Variants in NDUFB4 observed in about 807,000 individuals in gnomAD.
The protein encoded by NDUFB4 is NADH dehydrogenase [ubiquinone] 1 beta subcomplex subunit 4.
Under a neutral mutation model 14.5 loss-of-function variants are expected in NDUFB4, and 10 were observed. That is an observed-to-expected ratio of 0.69 (90% CI 0.43 to 1.17). The LOEUF (loss-of-function observed/expected upper bound fraction) is 1.17, where lower values mean the gene tolerates loss of function less well. Ranked by LOEUF, NDUFB4 falls within the 50% of genes most tolerant of loss-of-function variation. The probability of loss-of-function intolerance (pLI) is 0.00; values close to 1 mark genes in which losing one functional copy is unlikely to be tolerated. For missense variants in NDUFB4, 165 were observed against 161.1 expected, an observed-to-expected ratio of 1.02 and a Z score of -0.13; for synonymous variants, 65 against 63.4, an observed-to-expected ratio of 1.03 and a Z score of -0.12.
intron 1 of NDUFB4, among the ~76,000 whole-genome samples, chr3:120,597,038 ATATAT>A (rs1244884031): frequency 2.7e-4 from 40 of 146,812 alleles, no homozygotes; most frequent in Non-Finnish European, 3.7e-4. Flanking sequence ...ATATATGCAT[ATATAT>A]TATATTCTAT....
At chr3:120,601,505 A>G in intron 2 of NDUFB4, 1 of 1,352,876 alleles carries the variant, frequency 7.4e-7, no homozygotes. Context: ...TATTGGGTTA[A>G]GTATTAGCAG....
At position 120,596,370 on chromosome 3, in the gene NDUFB4, C is replaced by G. The variant is rs1283578690; in HGVS notation, c.11C>G (p.Pro4Arg). Residue 4 changes from proline (P) to arginine (R), a missense_variant, in exon 1 of 3, where the codon CCA becomes CGA. Coordinates refer to ENST00000184266, the MANE Select transcript of NDUFB4 (RefSeq NM_004547.6). ...CCCTGGTTCGCCAAGATGTCGTTCCCAAAGTATAAGCCGTCGAGCCTGCGC... is the reference window on the plus strand; with the variant it reads ...CCCTGGTTCGCCAAGATGTCGTTCCGAAAGTATAAGCCGTCGAGCCTGCGC... MSF[P>R]KYKPSSLRTL... 1 of 1,614,138 alleles carries G rather than the reference C, an allele frequency of 6.2e-7. No individual in the cohort carries two copies. The highest frequency in any genetic ancestry group is 2.2e-5 in the East Asian group (1 of 44,882).
intron 2 of NDUFB4, 26 bp downstream of exon 2, chr3:120,601,283 T>G: frequency 6.2e-7 from 1 of 1,611,846 alleles, no homozygotes; most frequent in Non-Finnish European, 8.5e-7. Context: ...AGATGTTTAG[T>G]ATTTGAGTGA....
rs1446104734 is a variant in NDUFB4 at position 120,602,263 on chromosome 3, C to T, written c.383C>T (p.Ser128Leu). The change falls in exon 3 of 3, where the codon TCA (serine) becomes TTA (leucine). Residue 128 changes from serine to leucine, a missense_variant. Coordinates refer to ENST00000184266, the MANE Select transcript of NDUFB4 (RefSeq NM_004547.6). ...EGKLDRTFHL[S>L]Y Reference sequence around the variant, plus strand: ...AAATTGGATCGAACATTTCACCTCTCATATTAAGTCTGGCAATGATGACTA... The same window carrying T: ...AAATTGGATCGAACATTTCACCTCTTATATTAAGTCTGGCAATGATGACTA... The T allele has an allele frequency of 6.2e-7, 1 of 1,609,112 alleles. No homozygotes were observed. Among genetic ancestry groups the T allele is most frequent in the Admixed American group, 1.7e-5 (1 of 59,720 alleles).
rs1250719904 is a variant in NDUFB4 at position 120,596,382 on chromosome 3, C to T, written c.23C>T (p.Pro8Leu). 1 of 1,614,034 alleles carries T rather than the reference C, an allele frequency of 6.2e-7. No individual in the cohort carries two copies. The highest frequency in any genetic ancestry group is 8.5e-7 in the Non-Finnish European group (1 of 1,180,026). Residue 8 changes from proline to leucine, a missense_variant, in exon 1 of 3, where the codon CCG becomes CTG. Pro to Leu is a moderately conservative substitution (Grantham distance 98). Coordinates refer to ENST00000184266, the MANE Select transcript of NDUFB4 (RefSeq NM_004547.6). The part of the protein sequence containing the change: MSFPKYK[P>L]SSLRTLPETL... ...AAGATGTCGTTCCCAAAGTATAAGC[C>T]GTCGAGCCTGCGCACTCTGCCTGAG...
At chr3:120,602,092 C>T (rs12762) in intron 2 of NDUFB4, 116 bp from the exon 3 acceptor site, 179,269 of 1,501,210 alleles carry the variant, frequency 0.12, 11,532 homozygotes, top group Middle Eastern at 0.17. Context: ...GTCAGTTGTA[C>T]GGTGGGTTGT....
intron 1 of NDUFB4, among the ~76,000 whole-genome samples, chr3:120,599,531 A>G (rs909716897): frequency 3.3e-5 from 5 of 152,098 alleles, no homozygotes; most frequent in Admixed American, 3.3e-4. Flanking sequence ...GTGGGCCTGG[A>G]AGTCAAGTGA....
In NDUFB4 at chr3:120,602,349, G is replaced by T; in HGVS notation, c.*79G>T. The stretch of plus-strand genomic sequence containing the variant: ...ATTAAGTAGTAGTTTCTCTTTCTTA[G>T]TATTACCTTGATTCAATGTTAAAAA... On this transcript the variant is annotated 3_prime_UTR_variant, in exon 3 of 3. Coordinates refer to ENST00000184266, the MANE Select transcript of NDUFB4 (RefSeq NM_004547.6). The T allele has an allele frequency of 3.0e-6, 4 of 1,328,950 alleles. No homozygotes were observed. The highest frequency in any genetic ancestry group is 4.2e-6 in the Non-Finnish European group (4 of 951,530). 82.3% of individuals were successfully genotyped at this position (1,328,950 alleles called of 1,614,324 possible). A position where few individuals can be genotyped will look rare whatever the true frequency, so the allele number is the denominator to read the frequency against.
chr3:120,602,395 C>A lies in NDUFB4; in HGVS notation c.*125C>A. Reference sequence around the variant, plus strand: ...AAAAACTATTAACACCCTAACAACACAGAAGCAGACGCAGCCCGTGTTGGG... The same window carrying A: ...AAAAACTATTAACACCCTAACAACAAAGAAGCAGACGCAGCCCGTGTTGGG... On this transcript the variant is annotated 3_prime_UTR_variant, in exon 3 of 3. Coordinates refer to ENST00000184266, the MANE Select transcript of NDUFB4 (RefSeq NM_004547.6). 1 of 863,668 alleles carries A rather than the reference C, an allele frequency of 1.2e-6. No homozygotes were observed. Among genetic ancestry groups the A allele is most frequent in the Admixed American group, 2.8e-5 (1 of 36,200 alleles). 53.5% of individuals were successfully genotyped at this position (863,668 alleles called of 1,614,324 possible).
rs373490363 is a variant in NDUFB4, at chr3:120,596,561, C to T, written c.180+22C>T. The T allele has an allele frequency of 2.5e-6, 4 of 1,610,534 alleles. No individual in the cohort carries two copies. The African/African-American group carries it at 4.0e-5, about 16-fold the overall frequency. ...CATCGTGAGTGTGGGGCCTCCCAGG[C>T]GGGAATAGGGCCCGAGTCCTGGGAG... On this transcript the variant is annotated intron_variant, in intron 1 of 2. Transcript: ENST00000184266.
rs958326678 is a variant in NDUFB4, at chr3:120,601,214, T to C, written c.284T>C (p.Phe95Ser). Residue 95 changes from phenylalanine to serine, a missense_variant, in exon 2 of 3, where the codon TTT (phenylalanine) becomes TCT (serine). Physicochemically the swap from Phe to Ser is radical, Grantham distance 155. Coordinates refer to ENST00000184266, the MANE Select transcript of NDUFB4 (RefSeq NM_004547.6). ...TCACTCATGGGAGCTCTGTGTGGAT[T>C]TGGGCCCCTCATCTTCATTTATTAT... ...KNSLMGALCGFGPLIFIYYII... is the reference protein window; with the variant it reads ...KNSLMGALCGSGPLIFIYYII... 6.2e-7 allele frequency: 1 copy of C among 1,614,034 alleles called. No individual in the cohort carries two copies. Among genetic ancestry groups the C allele is most frequent in the Non-Finnish European group, 8.5e-7 (1 of 1,179,932 alleles).
At chr3:120,599,605 G>T (rs1940023748) in intron 1 of NDUFB4, among the ~76,000 whole-genome samples, 1 of 152,102 alleles carries the variant, frequency 6.6e-6, no homozygotes, top group Admixed American at 6.5e-5. Flanking sequence ...GACTTTTAGT[G>T]ATGTCAGAGG....
intron 1 of NDUFB4, 132 bp downstream of exon 1, chr3:120,596,671 C>T: frequency 9.8e-7 from 1 of 1,018,148 alleles, no homozygotes; most frequent in Non-Finnish European, 1.4e-6. Context: ...CTAGCCAACT[C>T]ACTACCCTTT....
At chr3:120,599,312 A>G (rs1007762036) in intron 1 of NDUFB4, among the ~76,000 whole-genome samples, 4 of 152,000 alleles carry the variant, frequency 2.6e-5, no homozygotes, top group Admixed American at 2.6e-4. Context: ...AAGTCTGGAG[A>G]GTTACAGGGC....
In NDUFB4 at chr3:120,599,821, A is replaced by G. The variant is rs575232965; in HGVS notation, c.181-1290A>G. ...ATAGTCATTCAGATACATTTATAGT[A>G]GAAAGGATGTAAGAATAGATGCATT... On this transcript the variant is annotated intron_variant, in intron 1 of 2. Coordinates refer to ENST00000184266, the MANE Select transcript of NDUFB4 (RefSeq NM_004547.6). Among the ~76,000 whole-genome samples the G allele has an allele frequency of 1.4e-4, 21 of 152,286 alleles. No homozygotes were observed. In the South Asian group the frequency reaches 2.5e-3, roughly 18 times the overall value.
rs1028067520 is a variant in NDUFB4 at position 120,596,671 on chromosome 3, C to G, written c.180+132C>G. 3 of 1,018,148 alleles carry G rather than the reference C, an allele frequency of 2.9e-6. No homozygotes were observed. In the African/African-American group the frequency reaches 4.8e-5, roughly 16 times the overall value. The allele number at this position is 1,018,148 out of a possible 1,614,324, so 63.1% of individuals were successfully genotyped here. On this transcript the variant is annotated intron_variant, in intron 1 of 2. Transcript: ENST00000184266. Reference sequence around the variant, plus strand: ...GGTCCTCTTCCAGGCCTAGCCAACTCACTACCCTTTTACCTTTGCCAGAGC... The same window carrying G: ...GGTCCTCTTCCAGGCCTAGCCAACTGACTACCCTTTTACCTTTGCCAGAGC...
At chr3:120,596,580 C>T in intron 1 of NDUFB4, 41 bp downstream of exon 1, 2 of 1,597,068 alleles carry the variant, frequency 1.3e-6, no homozygotes, top group Non-Finnish European at 1.7e-6. Flanking sequence ...GGCCCGAGTC[C>T]TGGGAGAGAC....
chr3:120,601,293 ATAGGTTCAC>A, intron 2 of NDUFB4, 36 bp downstream of exon 2: 2 of 1,611,044 alleles, frequency 1.2e-6, no homozygotes, highest in Non-Finnish European at 1.7e-6. Context: ...TATTTGAGTG[ATAGGTTCAC>A]TTTCTAGGGA....
At chr3:120,597,421 A>C (rs549803110) in intron 1 of NDUFB4, among the ~76,000 whole-genome samples, 1 of 152,214 alleles carries the variant, frequency 6.6e-6, no homozygotes, top group African/African-American at 2.4e-5. Flanking sequence ...GTAGTTTTCT[A>C]TACAGGAACT....
Sources: gnomAD v4.1 joint callset for allele counts (sites outside exome capture counted in the v4.1 genomes callset) on GRCh38, gnomAD v4.1.1 for gene constraint, MANE v1.5 for transcripts, NCBI Gene and HGNC (gene_info 2026-07-23, HGNC 2026-07-21) for gene names.